HLA-DRB1: variants seen among roughly 807,000 people sequenced by gnomAD.
HLA-DRB1 encodes major histocompatibility complex, class II, DR beta 1 precursor.
HLA-DRB1 carries 10 observed loss-of-function variants against 27.9 expected under a neutral mutation model. That is an observed-to-expected ratio of 0.36 (90% CI 0.22 to 0.61). The LOEUF (loss-of-function observed/expected upper bound fraction) is 0.61. Among genes scored for constraint, HLA-DRB1 ranks in the 20% least tolerant of loss-of-function variants. HLA-DRB1 has a pLI of 0.73. For missense variants in HLA-DRB1, 118 were observed against 306.3 expected (o/e 0.39, Z 4.59); for synonymous variants, 57 against 126.7 (o/e 0.45, Z 3.69).
At chr6:32,579,139 T>A in intron 5 of HLA-DRB1, 35 bp from the exon 6 acceptor site, 1 of 894,378 alleles carries the variant, frequency 1.1e-6, no homozygotes, top group Non-Finnish European at 1.5e-6. Context: ...GTTTTCAACC[T>A]GGCTCTACTA....
At chr6:32,585,875 C>T (rs1008494733) in intron 1 of HLA-DRB1, among the ~76,000 whole-genome samples, 40 of 114,496 alleles carry the variant, frequency 3.5e-4, no homozygotes, top group South Asian at 8.6e-4. Context: ...TTTTAAATAC[C>T]ACAGATACAA....
intron 1 of HLA-DRB1, among the ~76,000 whole-genome samples, chr6:32,584,845 A>G (rs1776169769): frequency 8.3e-6 from 1 of 120,962 alleles, no homozygotes; most frequent in African/African-American, 3.5e-5. Flanking sequence ...CAAACGAGGG[A>G]AAACAGACCT....
At chr6:32,580,820 C>G (rs1259718895) in exon 4 of HLA-DRB1, 1 of 1,613,290 alleles carries the variant, frequency 6.2e-7, no homozygotes, top group African/African-American at 1.3e-5. Context: ...CCCGACTCCA[C>G]TCAGCATCTT....
chr6:32,588,468 AG>A (rs1561839237), intron 1 of HLA-DRB1, among the ~76,000 whole-genome samples: 2,323 of 34,276 alleles, frequency 0.068, 168 homozygotes, highest in Middle Eastern at 0.16. Flanking sequence ...AGAGAAAAAA[AG>A]TCTCTTTCAA....
chr6:32,588,228 G>A (rs1776798238), intron 1 of HLA-DRB1, among the ~76,000 whole-genome samples: 1 of 143,946 alleles, frequency 6.9e-6, no homozygotes, highest in Non-Finnish European at 1.5e-5. Context: ...GGCCAAGGCA[G>A]GAGGATTGCT....
At chr6:32,581,240 A>G (rs41288061) in intron 3 of HLA-DRB1, among the ~76,000 whole-genome samples, 9,334 of 72,088 alleles carry the variant, frequency 0.13, 1,996 homozygotes, top group Middle Eastern at 0.2. Context: ...ACTCAGAGCA[A>G]CAGCACCAGA....
chr6:32,585,968 G>A (rs1776321861), intron 1 of HLA-DRB1, among the ~76,000 whole-genome samples: 1 of 80,456 alleles, frequency 1.2e-5, no homozygotes, highest in African/African-American at 5.3e-5. Context: ...ATATAGTGAT[G>A]GCGACTGGAT....
chr6:32,589,610 C>T lies in HLA-DRB1; in HGVS notation c.100+33G>A, dbSNP rs748881796. ...ACAAAACTCCCTATTTTCCCCACCC[C>T]ATAGTAGCTCAGCACCCGCAATGTG... On this transcript the variant is annotated intron_variant, in intron 1 of 5. Coordinates refer to ENST00000360004, the Ensembl canonical transcript of HLA-DRB1. 5.0e-3 allele frequency: 2,985 copies of T among 595,214 alleles called. 2 individuals carry two copies. The African/African-American group carries it at 0.054, about 11-fold the overall frequency. The allele number at this position is 595,214 out of a possible 1,614,324, so 36.9% of individuals were successfully genotyped here. A position where few individuals can be genotyped will look rare whatever the true frequency, so the allele number is the denominator to read the frequency against.
rs763034646 is a variant in HLA-DRB1 at position 32,582,844 on chromosome 6, AGC to A, written c.371-1008_371-1007del. 6.9e-3 allele frequency among the ~76,000 whole-genome samples: 598 copies of A among 86,366 alleles called. 37 individuals carry two copies. In the East Asian group the frequency reaches 0.11, roughly 17 times the overall value. 56.7% of individuals were successfully genotyped at this position (86,366 alleles called of 152,430 possible). On this transcript the variant is annotated intron_variant, in intron 2 of 5. Coordinates refer to ENST00000360004, the Ensembl canonical transcript of HLA-DRB1. ...TATGCCCAGGAAAATCCCCGACACT[AGC>A]ATACTCTCAATAAATACAACTATTT...
At chr6:32,580,627 T>TAA in intron 4 of HLA-DRB1, 119 bp downstream of exon 4, 1 of 879,542 alleles carries the variant, frequency 1.1e-6, no homozygotes, top group Admixed American at 2.6e-5. Context: ...ATTAGAGCCG[T>TAA]TTGGGGAAAG....
At chr6:32,587,767 G>T (rs35489364) in intron 1 of HLA-DRB1, among the ~76,000 whole-genome samples, 2,900 of 101,124 alleles carry the variant, frequency 0.029, 110 homozygotes, top group East Asian at 0.039. Context: ...AGTGCACTAT[G>T]ACTCTCTAAC....
At chr6:32,579,004 T>C (rs1060081) in exon 6 of HLA-DRB1, 62,463 of 414,592 alleles carry the variant, frequency 0.15, 5,668 homozygotes, top group African/African-American at 0.36. Flanking sequence ...AGCCCTCTCT[T>C]GTGGAAGAAT....
chr6:32,582,196 G>A (rs1775637014), intron 2 of HLA-DRB1, among the ~76,000 whole-genome samples: 1 of 115,778 alleles, frequency 8.6e-6, no homozygotes, highest in Non-Finnish European at 1.8e-5. Context: ...GATCCTGGAA[G>A]AGTTTTTTGA....
chr6:32,585,582 T>C (rs113165415), intron 1 of HLA-DRB1, among the ~76,000 whole-genome samples: 2 of 134,374 alleles, frequency 1.5e-5, no homozygotes, highest in African/African-American at 5.6e-5. Context: ...TTGTATTCCT[T>C]AATTCTAAAG....
rs6938892 is a variant in HLA-DRB1, at chr6:32,581,032, A to T, written c.653-176T>A. Among the ~76,000 whole-genome samples, 656 of 66,312 alleles carry T rather than the reference A, an allele frequency of 9.9e-3. 84 individuals carry two copies. The East Asian group carries it at 0.17, about 18-fold the overall frequency. The allele number at this position is 66,312 out of a possible 152,430, so 43.5% of individuals were successfully genotyped here. On this transcript the variant is annotated intron_variant, in intron 3 of 5. Transcript: ENST00000360004. The stretch of plus-strand genomic sequence containing the variant: ...ATTACACTGAACAGTTACGACGTTC[A>T]GACATCAAACTCATTCAAATATTAC...
chr6:32,584,257 C>T (rs776046212), exon 2 of HLA-DRB1: 2 of 1,520,990 alleles, frequency 1.3e-6, no homozygotes, highest in South Asian at 1.1e-5. Flanking sequence ...CCCGGAACTC[C>T]CCCACGTCGC....
chr6:32,589,325 G>T (rs112133288), intron 1 of HLA-DRB1, among the ~76,000 whole-genome samples: 12,747 of 112,082 alleles, frequency 0.11, no homozygotes, highest in African/African-American at 0.15. Context: ...ATAAAGGGAA[G>T]TGCTGTATGG....
At chr6:32,581,884 A>G (rs1775585040) in intron 2 of HLA-DRB1, 46 bp from the exon 3 acceptor site, 1 of 970,038 alleles carries the variant, frequency 1.0e-6, no homozygotes, top group African/African-American at 1.8e-5. Flanking sequence ...AAGACAGAGT[A>G]AGTCTCCTGG....
chr6:32,584,721 G>A (rs9269981), intron 1 of HLA-DRB1, among the ~76,000 whole-genome samples: 1 of 22,520 alleles, frequency 4.4e-5, no homozygotes, highest in African/African-American at 1.4e-4. Flanking sequence ...GACACTCTCT[G>A]CTCCTCTCAT....
Sources: gnomAD v4.1 joint callset for allele counts (sites outside exome capture counted in the v4.1 genomes callset) on GRCh38, gnomAD v4.1.1 for gene constraint, MANE v1.5 for transcripts, NCBI Gene and HGNC (gene_info 2026-07-23, HGNC 2026-07-21) for gene names.